The following DCC variants were observed in gnomAD, a reference collection of about 807,000 sequenced individuals.
DCC encodes DCC netrin 1 receptor.
DCC carries 58 observed loss-of-function variants against 172.5 expected under a neutral mutation model. That is an observed-to-expected ratio of 0.34 (90% CI 0.27 to 0.42). The LOEUF (loss-of-function observed/expected upper bound fraction) is 0.42, where lower values mean the gene tolerates loss of function less well. DCC is among the 10% of genes least tolerant of loss of function. The pLI, the probability that DCC is intolerant of heterozygous loss-of-function variation, is 1.00. For synonymous variants in DCC, 709 were observed against 644.5 expected (o/e 1.10, Z -1.52); for missense variants, 1,740 against 1,791.0 (o/e 0.97, Z 0.51).
At chr18:53,331,548 C>G (rs186374773) in intron 14 of DCC, among the ~76,000 whole-genome samples, 100 of 152,284 alleles carry the variant, frequency 6.6e-4, no homozygotes, top group Admixed American at 6.3e-3. Flanking sequence ...TCCTTGAAAG[C>G]CACATCAAGA....
At chr18:53,091,842 T>TCTAA (rs2043015177) in intron 7 of DCC, among the ~76,000 whole-genome samples, 1 of 65,090 alleles carries the variant, frequency 1.5e-5, no homozygotes, top group African/African-American at 7.3e-5. Context: ...TATCTATCTA[T>TCTAA]CTATCTATCA....
chr18:53,347,783 A>G (rs1214220876), intron 15 of DCC, among the ~76,000 whole-genome samples: 1 of 152,126 alleles, frequency 6.6e-6, no homozygotes, highest in Non-Finnish European at 1.5e-5. Flanking sequence ...CATCTTACAT[A>G]GAGGGCAACA....
chr18:52,861,125 A>C (rs1234982241), intron 2 of DCC, among the ~76,000 whole-genome samples: 4 of 152,206 alleles, frequency 2.6e-5, no homozygotes, highest in Non-Finnish European at 4.4e-5. Flanking sequence ...ATTTGGCATC[A>C]GACTGTGCCC....
chr18:52,955,647 C>A (rs1452310382), intron 5 of DCC, among the ~76,000 whole-genome samples: 2 of 152,004 alleles, frequency 1.3e-5, no homozygotes, highest in East Asian at 1.9e-4. Flanking sequence ...GTGGTTGCAC[C>A]ATTTTGCATT....
At chr18:52,416,005 C>T (rs1467626472) in intron 1 of DCC, among the ~76,000 whole-genome samples, 1 of 151,786 alleles carries the variant, frequency 6.6e-6, no homozygotes, top group Non-Finnish European at 1.5e-5. Flanking sequence ...CTCTTGTGGG[C>T]ATTTAGTGCT....
intron 15 of DCC, among the ~76,000 whole-genome samples, chr18:53,355,852 T>C (rs1211614481): frequency 6.6e-6 from 1 of 152,190 alleles, no homozygotes; most frequent in African/African-American, 2.4e-5. Flanking sequence ...TGAAGAATTA[T>C]GTCCTTGTCA....
chr18:53,319,496 G>T (rs1335947604), intron 13 of DCC, among the ~76,000 whole-genome samples: 1 of 152,074 alleles, frequency 6.6e-6, no homozygotes, highest in Non-Finnish European at 1.5e-5. Flanking sequence ...AGACTTTAAA[G>T]CCACAAAGAT....
intron 1 of DCC, among the ~76,000 whole-genome samples, chr18:52,534,139 AT>A (rs1159850871): frequency 1.3e-5 from 2 of 152,086 alleles, no homozygotes; most frequent in Non-Finnish European, 2.9e-5. Context: ...AGCAGGAAAA[AT>A]GTTTTCAATT....
chr18:53,381,531 C>T (rs1385177250), intron 15 of DCC, among the ~76,000 whole-genome samples: 2 of 150,634 alleles, frequency 1.3e-5, no homozygotes, highest in African/African-American at 4.9e-5. Context: ...AGCATAAACA[C>T]CTGTTTCATT....
At chr18:52,494,588 G>A (rs2030667895) in intron 1 of DCC, among the ~76,000 whole-genome samples, 1 of 151,704 alleles carries the variant, frequency 6.6e-6, no homozygotes, top group African/African-American at 2.4e-5. Context: ...TTTATGCAAT[G>A]TCTAATTGTC....
chr18:53,010,127 A>T (rs1332172812), intron 5 of DCC, among the ~76,000 whole-genome samples: 5 of 151,946 alleles, frequency 3.3e-5, no homozygotes, highest in African/African-American at 1.2e-4. Context: ...AATCTAATTC[A>T]TCCCCAAGCT....
intron 25 of DCC, among the ~76,000 whole-genome samples, chr18:53,477,230 A>T (rs942808429): frequency 2.0e-5 from 3 of 152,128 alleles, no homozygotes; most frequent in African/African-American, 7.2e-5. Flanking sequence ...GCTGGTCTCA[A>T]ACTCCTGGGC....
chr18:52,390,446 C>G (rs1479963845), intron 1 of DCC, among the ~76,000 whole-genome samples: 1 of 151,988 alleles, frequency 6.6e-6, no homozygotes, highest in Non-Finnish European at 1.5e-5. Context: ...TACAGACACT[C>G]CAATTTAGTA....
chr18:53,169,584 T>A (rs1036557698), intron 8 of DCC, among the ~76,000 whole-genome samples: 1 of 152,092 alleles, frequency 6.6e-6, no homozygotes, highest in South Asian at 2.1e-4. Flanking sequence ...TGGAGAAGAT[T>A]TGTCTGACAA....
chr18:53,025,778 A>G (rs1397090365), intron 5 of DCC, among the ~76,000 whole-genome samples: 1 of 143,516 alleles, frequency 7.0e-6, no homozygotes, highest in African/African-American at 2.6e-5. Flanking sequence ...GGCAGATTTA[A>G]TGGGCAAAAA....
At chr18:52,401,093 T>C (rs990510556) in intron 1 of DCC, among the ~76,000 whole-genome samples, 12 of 151,900 alleles carry the variant, frequency 7.9e-5, no homozygotes, top group Admixed American at 2.0e-4. Flanking sequence ...TCCCAGAACT[T>C]AAAGAATAAT....
At chr18:52,401,803 T>C (rs1223757791) in intron 1 of DCC, among the ~76,000 whole-genome samples, 2 of 152,026 alleles carry the variant, frequency 1.3e-5, no homozygotes, top group Non-Finnish European at 2.9e-5. Context: ...CTTAACAAAA[T>C]GATAAAGAGT....
intron 2 of DCC, among the ~76,000 whole-genome samples, chr18:52,877,042 G>A (rs750796685): frequency 6.6e-6 from 1 of 152,214 alleles, no homozygotes; most frequent in South Asian, 2.1e-4. Flanking sequence ...TACTAAAAAT[G>A]TATTCATTGT....
intron 2 of DCC, among the ~76,000 whole-genome samples, chr18:52,840,551 C>G (rs1044285040): frequency 6.6e-6 from 1 of 152,046 alleles, no homozygotes; most frequent in Non-Finnish European, 1.5e-5. Flanking sequence ...TGTCAAAATA[C>G]AGATGTGTTC....
Sources: allele counts gnomAD v4.1 joint callset (sites outside exome capture counted in the v4.1 genomes callset), GRCh38; gene constraint gnomAD v4.1.1; transcripts MANE v1.5; gene names NCBI Gene and HGNC (gene_info 2026-07-23, HGNC 2026-07-21).